Variants in GATB observed in about 807,000 individuals in gnomAD.
The protein encoded by GATB is glutamyl-tRNA(Gln) amidotransferase subunit B, mitochondrial.
A neutral mutation model predicts 62.3 loss-of-function variants in GATB; 39 were observed. The observed-to-expected ratio is 0.63, with a 90% confidence interval of 0.48 to 0.82. GATB has a LOEUF of 0.82. Among genes scored for constraint, GATB ranks in the 40% least tolerant of loss-of-function variants. The probability of loss-of-function intolerance (pLI) is 0.00; values close to 1 mark genes in which losing one functional copy is unlikely to be tolerated. For synonymous variants in GATB, 276 were observed against 258.9 expected, an observed-to-expected ratio of 1.07 and a Z score of -0.63; for missense variants, 670 against 684.0, an observed-to-expected ratio of 0.98 and a Z score of 0.23.
At position 151,760,967 on chromosome 4, in the gene GATB, G is replaced by A. The variant is rs553313362; in HGVS notation, c.16C>T (p.Leu6=). 1.2e-5 allele frequency: 20 copies of A among 1,611,336 alleles called. No individual in the cohort carries two copies. The South Asian group carries it at 2.1e-4, about 17-fold the overall frequency. The part of the protein sequence containing the change: MAAPM[L]RWGCRGRRWA... ...CGTCTTCCACGGCAGCCCCAGCGCA[G>A]CATGGGCGCCGCCATTGTAACTCCA... is the stretch of plus-strand genomic sequence containing the variant. Residue 6 remains leucine (L), a synonymous_variant, in exon 1 of 13, where the codon CTG becomes TTG. Transcript: ENST00000263985.
At chr4:151,709,508 C>T (rs866838992) in intron 5 of GATB, among the ~76,000 whole-genome samples, 1 of 152,196 alleles carries the variant, frequency 6.6e-6, no homozygotes, top group Non-Finnish European at 1.5e-5. Flanking sequence ...GTGAGACTCT[C>T]GGTCTAGGAA....
At chr4:151,671,333 G>A in intron 12 of GATB, 31 bp from the exon 13 acceptor site, 1 of 1,167,272 alleles carries the variant, frequency 8.6e-7, no homozygotes, top group Non-Finnish European at 1.2e-6. Context: ...TACTTAAGAG[G>A]AGAAAATGAA....
At chr4:151,684,217 TGG>T (rs1248792674) in intron 10 of GATB, among the ~76,000 whole-genome samples, 3 of 152,364 alleles carry the variant, frequency 2.0e-5, no homozygotes, top group African/African-American at 7.2e-5. Flanking sequence ...CCTGAAACAC[TGG>T]GGCACTCAAC....
intron 10 of GATB, among the ~76,000 whole-genome samples, chr4:151,685,520 G>A (rs372394384): frequency 6.6e-6 from 1 of 152,134 alleles, no homozygotes; most frequent in Non-Finnish European, 1.5e-5. Flanking sequence ...CTCTGCTCCT[G>A]CCAGCTACGC....
intron 2 of GATB, among the ~76,000 whole-genome samples, chr4:151,749,873 C>T (rs760477349): frequency 4.6e-5 from 7 of 151,790 alleles, no homozygotes; most frequent in Admixed American, 1.3e-4. Flanking sequence ...TCCTTTAAAC[C>T]TCAGTTTTTT....
chr4:151,708,173 T>C, intron 5 of GATB, 72 bp from the exon 6 acceptor site: 1 of 1,004,254 alleles, frequency 1.0e-6, no homozygotes, highest in South Asian at 1.4e-5. Flanking sequence ...GCAGGGAGTG[T>C]CAAAGGAAGC....
chr4:151,728,904 G>T (rs1004646374), intron 2 of GATB, among the ~76,000 whole-genome samples: 1 of 152,164 alleles, frequency 6.6e-6, no homozygotes, highest in Non-Finnish European at 1.5e-5. Context: ...ATGAATACAG[G>T]ATCAGGTATG....
intron 3 of GATB, 187 bp from the exon 4 acceptor site, chr4:151,717,261 C>T: frequency 1.7e-6 from 1 of 594,864 alleles, no homozygotes; most frequent in East Asian, 2.9e-5. Flanking sequence ...GTCTCTTCTG[C>T]CCCTGCCATC....
intron 2 of GATB, chr4:151,723,782 G>A (rs1202833999): frequency 1.3e-5 from 2 of 152,154 alleles, no homozygotes; most frequent in Non-Finnish European, 2.9e-5. Context: ...TCAAATAAGA[G>A]GCTAATTCTT....
chr4:151,704,520 CTCG>C (rs1405403551), intron 7 of GATB, among the ~76,000 whole-genome samples: 6 of 151,720 alleles, frequency 4.0e-5, no homozygotes, highest in Non-Finnish European at 8.8e-5. Context: ...GTGGCACTAT[CTCG>C]GCTCACTGCA....
intron 3 of GATB, 80 bp downstream of exon 3, chr4:151,719,345 T>C (rs188135046): frequency 9.1e-6 from 9 of 994,324 alleles, no homozygotes; most frequent in Admixed American, 3.9e-5. Flanking sequence ...CACAGCCCCT[T>C]TCCCTTGCTC....
intron 10 of GATB, among the ~76,000 whole-genome samples, chr4:151,684,957 C>T (rs148852426): frequency 3.9e-5 from 6 of 152,224 alleles, no homozygotes; most frequent in Non-Finnish European, 7.4e-5. Context: ...ATACAGAAGC[C>T]GATCACAAGC....
rs971752745 is a variant in GATB at position 151,730,951 on chromosome 4, T to C, written c.328-11413A>G. Among the ~76,000 whole-genome samples the C allele has an allele frequency of 1.3e-5, 2 of 152,086 alleles. No individual in the cohort carries two copies. The highest frequency in any genetic ancestry group is 4.8e-5 in the African/African-American group (2 of 41,402). ...AATCCCTGATTTACCTGAAAAAGAATTCAGGAGGTCAGCTATTAAGCTAAT... is the reference window on the plus strand; with the variant it reads ...AATCCCTGATTTACCTGAAAAAGAACTCAGGAGGTCAGCTATTAAGCTAAT... On this transcript the variant is annotated intron_variant, in intron 2 of 12. Transcript: ENST00000263985. The surrounding 1 kb of genome is among the most constrained non-coding windows in gnomAD (Gnocchi z 4.1).
chr4:151,718,835 C>T (rs760179704), intron 3 of GATB, among the ~76,000 whole-genome samples: 43 of 152,140 alleles, frequency 2.8e-4, no homozygotes, highest in Non-Finnish European at 3.4e-4. Context: ...AAGAAAAAAA[C>T]CTTTTAATTT....
intron 2 of GATB, among the ~76,000 whole-genome samples, chr4:151,756,443 G>A (rs1361404117): frequency 1.3e-5 from 2 of 152,144 alleles, no homozygotes; most frequent in Non-Finnish European, 2.9e-5. Flanking sequence ...CTTAATTCTG[G>A]GAGTTTGGGT....
Position 151,718,842 on chromosome 4 carries a change from A to G in GATB, c.441+583T>C, listed in dbSNP as rs554485031. Among the ~76,000 whole-genome samples the G allele has an allele frequency of 3.9e-5, 6 of 152,304 alleles. No homozygotes were observed. In the East Asian group the frequency reaches 1.2e-3, roughly 29 times the overall value. Reference sequence around the variant, plus strand: ...GTGGCTTAAAGAAAAAAACCTTTTAATTTTCAGAAAAAAGCGGGTCAATAT... The same window carrying G: ...GTGGCTTAAAGAAAAAAACCTTTTAGTTTTCAGAAAAAAGCGGGTCAATAT... On this transcript the variant is annotated intron_variant, in intron 3 of 12. Coordinates refer to ENST00000263985, the MANE Select transcript of GATB (RefSeq NM_004564.3).
chr4:151,733,853 TG>T (rs909409344), intron 2 of GATB, among the ~76,000 whole-genome samples: 15 of 152,088 alleles, frequency 9.9e-5, no homozygotes, highest in African/African-American at 3.6e-4. Flanking sequence ...AAAAATCAAA[TG>T]ATCATCTCAA....
intron 5 of GATB, among the ~76,000 whole-genome samples, chr4:151,713,893 C>T (rs1021649904): frequency 2.6e-5 from 4 of 152,240 alleles, no homozygotes; most frequent in Non-Finnish European, 5.9e-5. Flanking sequence ...ACTCCCACCT[C>T]TCTAAGCCTC....
intron 2 of GATB, among the ~76,000 whole-genome samples, chr4:151,738,240 G>A (rs931724493): frequency 2.0e-4 from 30 of 152,212 alleles, no homozygotes; most frequent in Non-Finnish European, 1.2e-4. Context: ...ATCAGCCAGC[G>A]TGACCTGGAT....
Sources: allele counts gnomAD v4.1 joint callset (sites outside exome capture counted in the v4.1 genomes callset), GRCh38; gene constraint gnomAD v4.1.1; non-coding constraint Gnocchi (gnomAD v3.1); transcripts MANE v1.5; gene names NCBI Gene and HGNC (gene_info 2026-07-23, HGNC 2026-07-21).